LAMA5: variants seen among roughly 807,000 people sequenced by gnomAD.
LAMA5 encodes laminin subunit alpha-5.
In LAMA5, 260 loss-of-function variants were observed where a neutral mutation model predicts 433.4. The ratio of observed to expected loss-of-function variants is 0.60; its 90% CI spans 0.54 to 0.66. The LOEUF (loss-of-function observed/expected upper bound fraction) is 0.66, where lower values mean the gene tolerates loss of function less well. Ranked by LOEUF, LAMA5 falls within the 30% of genes least tolerant of loss-of-function variation. The pLI is 0.00. For synonymous variants in LAMA5, 2,620 were observed against 2,226.6 expected (o/e 1.18, Z -4.97); for missense variants, 5,378 against 5,258.5 (o/e 1.02, Z -0.70).
chr20:62,328,622 A>G (rs2146171786), intron 34 of LAMA5, among the ~76,000 whole-genome samples, 177 bp from the exon 35 acceptor site: 1 of 144,366 alleles, frequency 6.9e-6, no homozygotes. Context: ...AGCTGCTCAG[A>G]ATCAACATCA....
At chr20:62,358,518 G>C (rs975972978) in intron 2 of LAMA5, among the ~76,000 whole-genome samples, 1 of 152,208 alleles carries the variant, frequency 6.6e-6, no homozygotes, top group Admixed American at 6.5e-5. Context: ...CCAAGCCAGT[G>C]GCACCCTGGA....
chr20:62,314,955 G>C lies in LAMA5; in HGVS notation c.8048-8C>G, dbSNP rs202247135. ...TCTTCTCCAGGGTGGACACTGCAGAGAGGGAGACCTGAGACCTTTGCCCCC... is the reference window on the plus strand; with the variant it reads ...TCTTCTCCAGGGTGGACACTGCAGACAGGGAGACCTGAGACCTTTGCCCCC... On this transcript the variant is annotated splice_polypyrimidine_tract_variant and splice_region_variant and intron_variant, in intron 59 of 79. Transcript: ENST00000252999. 7.0e-4 allele frequency: 1,115 copies of C among 1,592,004 alleles called. 11 individuals carry two copies. The African/African-American group carries it at 0.013, about 18-fold the overall frequency.
Position 62,322,378 on chromosome 20 carries a change from G to A in LAMA5, c.6237C>T (p.Ser2079=), listed in dbSNP as rs201406188. 1.3e-4 allele frequency: 202 copies of A among 1,591,680 alleles called. No homozygotes were observed. The highest frequency in any genetic ancestry group is 1.6e-4 in the African/African-American group (12 of 74,514). ...ACTGTCCGCTCTGGGGGTGGCACTC[G>A]GAGCCCTCGGCGGCCGGTCCACAAG... The part of the protein sequence containing the change: ...PCACGPAAEG[S]ECHPQSGQCH... Residue 2079 remains serine, a synonymous_variant, in exon 47 of 80, where the codon TCC becomes TCT. Transcript: ENST00000252999.
chr20:62,331,189 G>A, intron 28 of LAMA5, 60 bp from the exon 29 acceptor site: 1 of 974,380 alleles, frequency 1.0e-6, no homozygotes, highest in South Asian at 1.8e-5. Context: ...AGGGGGTGCA[G>A]GCGGTACGAT....
chr20:62,339,586 C>T (rs142448598), intron 11 of LAMA5, among the ~76,000 whole-genome samples: 4 of 149,966 alleles, frequency 2.7e-5, no homozygotes, highest in African/African-American at 4.9e-5. Flanking sequence ...TCTTAACTTA[C>T]GCATGAAAGG....
chr20:62,365,391 G>A lies in LAMA5; in HGVS notation c.297+1558C>T, dbSNP rs533361524. ...CACACAGCTGAGGCAGAGGAGAGGG[G>A]CGTTGACTACAGGCTGGCCCTTTAC... is the stretch of plus-strand genomic sequence containing the variant. On this transcript the variant is annotated intron_variant, in intron 1 of 79. Transcript: ENST00000252999. 4.9e-4 allele frequency among the ~76,000 whole-genome samples: 75 copies of A among 152,376 alleles called. No individual in the cohort carries two copies. The South Asian group carries it at 0.016, about 32-fold the overall frequency.
intron 35 of LAMA5, 108 bp downstream of exon 35, chr20:62,328,132 AC>A: frequency 6.6e-7 from 1 of 1,509,560 alleles, no homozygotes; most frequent in African/African-American, 1.4e-5. Context: ...GCGCTGCTGC[AC>A]CCAGGGAGCA....
Position 62,334,196 on chromosome 20 carries a change from G to A in LAMA5, c.2729C>T (p.Ala910Val). 1 of 1,612,646 alleles carries A rather than the reference G, an allele frequency of 6.2e-7. No homozygotes were observed. The highest frequency in any genetic ancestry group is 8.5e-7 in the Non-Finnish European group (1 of 1,179,746). Residue 910 changes from alanine to valine, a missense_variant, in exon 22 of 80, where the codon GCA becomes GTA. Ala to Val is a moderately conservative substitution (Grantham distance 64). Transcript: ENST00000252999. ...NFSWRGYAQMAPVQPRIVARL... is the reference protein window; with the variant it reads ...NFSWRGYAQMVPVQPRIVARL... Reference sequence around the variant, plus strand: ...GAGCACAGCGCCCACCTGGACAGGTGCCATCTGCGCGTAGCCCCTCCAGCT... The same window carrying A: ...GAGCACAGCGCCCACCTGGACAGGTACCATCTGCGCGTAGCCCCTCCAGCT...
chr20:62,310,475 A>G lies in LAMA5; in HGVS notation c.10544T>C (p.Leu3515Ser). The G allele has an allele frequency of 3.8e-6, 6 of 1,595,720 alleles. No individual in the cohort carries two copies. The highest frequency in any genetic ancestry group is 5.1e-6 in the Non-Finnish European group (6 of 1,173,100). Reference sequence around the variant, plus strand: ...GAACAGGCCCGCCTCCAGGGGGCCCAAGATGCAGGGTGTGACCCCTGCCAT... The same window carrying G: ...GAACAGGCCCGCCTCCAGGGGGCCCGAGATGCAGGGTGTGACCCCTGCCAT... ...TRMAGVTPCI[L>S]GPLEAGLFFP... The change falls in exon 76 of 80, where the codon TTG becomes TCG. Residue 3515 changes from leucine (L) to serine (S), a missense_variant. Physicochemically the swap from Leu to Ser is moderately radical, Grantham distance 145. Coordinates refer to ENST00000252999, the MANE Select transcript of LAMA5 (RefSeq NM_005560.6).
Position 62,316,388 on chromosome 20 carries a change from G to A in LAMA5, c.7756+283C>T, listed in dbSNP as rs115479985. On this transcript the variant is annotated intron_variant, in intron 57 of 79. Transcript: ENST00000252999. Reference sequence around the variant, plus strand: ...TGGCACGCGTGTAGCCCTCGGGTCAGCAGAGCAGAGGCCACGTATCTCTTG... The same window carrying A: ...TGGCACGCGTGTAGCCCTCGGGTCAACAGAGCAGAGGCCACGTATCTCTTG... 2.1e-3 allele frequency: 1,107 copies of A among 535,926 alleles called. 8 individuals are homozygous for A. The highest frequency in any genetic ancestry group is 0.018 in the African/African-American group (946 of 53,080). 33.2% of individuals were successfully genotyped at this position (535,926 alleles called of 1,614,324 possible). A position where few individuals can be genotyped will look rare whatever the true frequency, so the allele number is the denominator to read the frequency against.
At position 62,310,531 on chromosome 20, in the gene LAMA5, C is replaced by G. The variant is rs527841627; in HGVS notation, c.10488G>C (p.Leu3496=). The part of the protein sequence containing the change: ...GFSGCVKRLR[L]HGRPLGAPTR... ...TGGGGGCCCCCAGGGGCCTCCCGTG[C>G]AGCCTCAGTCTCTTCACACAGCCGC... The change falls in exon 76 of 80, where the codon CTG becomes CTC. Residue 3496 remains leucine (L), a synonymous_variant. Transcript: ENST00000252999. 3 of 1,549,636 alleles carry G rather than the reference C, an allele frequency of 1.9e-6. No homozygotes were observed. In the South Asian group the frequency reaches 3.8e-5, roughly 19 times the overall value.
At chr20:62,364,364 C>G (rs1249421939) in intron 1 of LAMA5, among the ~76,000 whole-genome samples, 1 of 152,208 alleles carries the variant, frequency 6.6e-6, no homozygotes, top group Non-Finnish European at 1.5e-5. Context: ...GACACACGAG[C>G]AGCAGAGGGA....
chr20:62,367,088 G>A lies in LAMA5; in HGVS notation c.158C>T (p.Ala53Val). 1 of 1,267,784 alleles carries A rather than the reference G, an allele frequency of 7.9e-7. No homozygotes were observed. The highest frequency in any genetic ancestry group is 9.9e-7 in the Non-Finnish European group (1 of 1,010,172). 78.5% of individuals were successfully genotyped at this position (1,267,784 alleles called of 1,614,324 possible). A position where few individuals can be genotyped will look rare whatever the true frequency, so the allele number is the denominator to read the frequency against. ...GGAGGCGGCGATGCGGGCGCCCTCG[G>A]CCAGGTTGAAGTAGGGCGGGTGCAG... ...FSLHPPYFNL[A>V]EGARIAASAT... The change falls in exon 1 of 80, where the codon GCC (alanine) becomes GTC (valine). Residue 53 changes from alanine (A) to valine (V), a missense_variant. Physicochemically the swap from Ala to Val is moderately conservative, Grantham distance 64. Transcript: ENST00000252999.
chr20:62,310,608 G>A, intron 75 of LAMA5, 36 bp from the exon 76 acceptor site: 1 of 1,578,994 alleles, frequency 6.3e-7, no homozygotes, highest in East Asian at 2.2e-5. Context: ...CAGGGCCCAG[G>A]GCAGCTGAAA....
Position 62,338,445 on chromosome 20 carries a change from T to C in LAMA5, c.1618+23A>G, listed in dbSNP as rs575548801. 1.9e-4 allele frequency: 306 copies of C among 1,607,680 alleles called. 8 individuals are homozygous for C. The South Asian group carries it at 3.2e-3, about 17-fold the overall frequency. ...TGTCCACCTCGAGCGCAGGTAGAGG[T>C]TGAGCGGGGAGAGGGGACTCACGCT... is the stretch of plus-strand genomic sequence containing the variant. On this transcript the variant is annotated intron_variant, in intron 12 of 79. Transcript: ENST00000252999.
Position 62,338,259 on chromosome 20 carries a change from C to A in LAMA5, c.1729G>T (p.Gly577Cys). ...TGGCAGAGAGGGAAGTGAAAGTAGC[C>A]GGGGGCACAGCGATCACATGTGGCC... is the stretch of plus-strand genomic sequence containing the variant. ...EGATCDRCAP[G>C]YFHFPLCQLC... is the part of the protein sequence containing the mutation. The change falls in exon 13 of 80, where the codon GGC becomes TGC. Residue 577 changes from glycine (G) to cysteine (C), a missense_variant. Physicochemically the swap from Gly to Cys is radical, Grantham distance 159. Transcript: ENST00000252999. The A allele has an allele frequency of 6.3e-7, 1 of 1,599,774 alleles. No individual in the cohort carries two copies. Among genetic ancestry groups the A allele is most frequent in the Non-Finnish European group, 8.5e-7 (1 of 1,172,510 alleles).
Position 62,334,885 on chromosome 20 carries a change from T to G in LAMA5, c.2482+136A>C, listed in dbSNP as rs1189959921. On this transcript the variant is annotated intron_variant, in intron 20 of 79. Coordinates refer to ENST00000252999, the MANE Select transcript of LAMA5 (RefSeq NM_005560.6). ...CCCTCTCCCACACCCTGGCACAGGC[T>G]GGCACCAAGGGGCAGCCATCCATCA... The G allele has an allele frequency of 7.3e-6, 6 of 821,672 alleles. No homozygotes were observed. In the East Asian group the frequency reaches 1.6e-4, roughly 22 times the overall value. 50.9% of individuals were successfully genotyped at this position (821,672 alleles called of 1,614,324 possible). A position where few individuals can be genotyped will look rare whatever the true frequency, so the allele number is the denominator to read the frequency against.
chr20:62,333,340 C>T (rs1356763005), intron 25 of LAMA5, 35 bp downstream of exon 25: 1 of 1,606,614 alleles, frequency 6.2e-7, no homozygotes, highest in Non-Finnish European at 8.5e-7. Context: ...TCCAGGAAGC[C>T]CCCACCCCGG....
Position 62,318,922 on chromosome 20 carries a change from C to T in LAMA5, c.6963G>A (p.Arg2321=). 6.2e-7 allele frequency: 1 copy of T among 1,602,960 alleles called. No individual in the cohort carries two copies. Among genetic ancestry groups the T allele is most frequent in the Non-Finnish European group, 8.5e-7 (1 of 1,176,970 alleles). ...CCCGGGCCCGCATCTCCCAGAGCAG[C>T]CGCTCCACCTCGGCCAGTGTCCGGA... ...QLLRTLAEVE[R]LLWEMRARDL... Residue 2321 remains arginine, a synonymous_variant, in exon 52 of 80, where the codon CGG becomes CGA. Coordinates refer to ENST00000252999, the MANE Select transcript of LAMA5 (RefSeq NM_005560.6).
Sources: gnomAD v4.1 joint callset for allele counts (sites outside exome capture counted in the v4.1 genomes callset) on GRCh38, gnomAD v4.1.1 for gene constraint, MANE v1.5 for transcripts, NCBI Gene and HGNC (gene_info 2026-07-23, HGNC 2026-07-21) for gene names.